FAM13A: variants seen among roughly 807,000 people sequenced by gnomAD.
The protein encoded by FAM13A is protein FAM13A.
FAM13A carries 76 observed loss-of-function variants against 129.6 expected under a neutral mutation model. The ratio of observed to expected loss-of-function variants is 0.59; its 90% CI spans 0.49 to 0.71. FAM13A has a LOEUF of 0.71. Ranked by LOEUF, FAM13A falls within the 30% of genes least tolerant of loss-of-function variation. The probability of loss-of-function intolerance (pLI) is 0.00; values close to 1 mark genes in which losing one functional copy is unlikely to be tolerated. For synonymous variants in FAM13A, 443 were observed against 449.9 expected, an observed-to-expected ratio of 0.98 and a Z score of 0.20; for missense variants, 1,108 against 1,249.3, an observed-to-expected ratio of 0.89 and a Z score of 1.70.
intron 7 of FAM13A, among the ~76,000 whole-genome samples, chr4:88,847,885 G>T (rs539011030): frequency 6.6e-6 from 1 of 151,866 alleles, no homozygotes; most frequent in Admixed American, 6.5e-5. Flanking sequence ...TGCAGTGAGC[G>T]GAGATTGCAG....
At chr4:88,823,727 A>T (rs906306707) in intron 7 of FAM13A, among the ~76,000 whole-genome samples, 1 of 152,086 alleles carries the variant, frequency 6.6e-6, no homozygotes, top group Admixed American at 6.6e-5. Flanking sequence ...ATGCCTCTAG[A>T]CCCTTGCCCT....
chr4:88,825,026 A>G (rs182348792), intron 7 of FAM13A, among the ~76,000 whole-genome samples: 2 of 152,232 alleles, frequency 1.3e-5, no homozygotes, highest in East Asian at 3.9e-4. Context: ...GAGGTAGAAA[A>G]TCACAATTAT....
In FAM13A at chr4:88,772,438, G is replaced by A. The variant is rs544820232; in HGVS notation, c.1459-4379C>T. Reference sequence around the variant, plus strand: ...TTCCACCGTAATAAAGTAGCTAGATGTCCAGCAACAATACATTTCCCAGCC... The same window carrying A: ...TTCCACCGTAATAAAGTAGCTAGATATCCAGCAACAATACATTTCCCAGCC... On this transcript the variant is annotated intron_variant, in intron 11 of 23. Transcript: ENST00000264344. 1.4e-4 allele frequency among the ~76,000 whole-genome samples: 21 copies of A among 152,258 alleles called. No homozygotes were observed. The South Asian group carries it at 3.3e-3, about 24-fold the overall frequency.
chr4:88,979,110 A>G (rs1761304742), intron 4 of FAM13A, among the ~76,000 whole-genome samples: 1 of 152,242 alleles, frequency 6.6e-6, no homozygotes, highest in Admixed American at 6.5e-5. Flanking sequence ...ATGCTTTTAA[A>G]CATGTTAACC....
At chr4:88,891,634 A>G (rs1024059211) in intron 6 of FAM13A, among the ~76,000 whole-genome samples, 1 of 152,226 alleles carries the variant, frequency 6.6e-6, no homozygotes, top group African/African-American at 2.4e-5. Context: ...TTCCAGTGAT[A>G]CAATCTTGGT....
chr4:88,747,592 C>T lies in FAM13A; in HGVS notation c.2382+39G>A, dbSNP rs200807392. ...CCCTGTGTCTCTACCACATTGACTGCAATGGCTTAGGGCTTAGCACTTCAC... is the reference window on the plus strand; with the variant it reads ...CCCTGTGTCTCTACCACATTGACTGTAATGGCTTAGGGCTTAGCACTTCAC... On this transcript the variant is annotated intron_variant, in intron 18 of 23. Coordinates refer to ENST00000264344, the MANE Select transcript of FAM13A (RefSeq NM_014883.4). 2,570 of 1,534,126 alleles carry T rather than the reference C, an allele frequency of 1.7e-3. 3 individuals carry two copies. Among genetic ancestry groups the T allele is most frequent in the Non-Finnish European group, 2.1e-3 (2,343 of 1,108,130 alleles).
At chr4:88,932,966 C>T (rs1275391261) in intron 5 of FAM13A, among the ~76,000 whole-genome samples, 2 of 152,158 alleles carry the variant, frequency 1.3e-5, no homozygotes, top group Non-Finnish European at 2.9e-5. Context: ...AATCAGCACT[C>T]CTCAACTTAG....
At chr4:88,732,508 AC>A (rs1738055056) in intron 21 of FAM13A, 1 of 208,384 alleles carries the variant, frequency 4.8e-6, no homozygotes, top group Non-Finnish European at 9.4e-6. Context: ...ATAATTTATA[AC>A]CTAAATCAGA....
intron 3 of FAM13A, among the ~76,000 whole-genome samples, chr4:89,012,205 C>T (rs893517573): frequency 6.6e-6 from 1 of 152,168 alleles, no homozygotes; most frequent in African/African-American, 2.4e-5. Context: ...CCAAAACACA[C>T]ATGAGATTAC....
intron 5 of FAM13A, among the ~76,000 whole-genome samples, chr4:88,935,244 C>G (rs1025746525): frequency 1.3e-5 from 2 of 152,190 alleles, no homozygotes; most frequent in African/African-American, 2.4e-5. Flanking sequence ...AGTTCTTTAT[C>G]TAGGTCCAAA....
intron 13 of FAM13A, among the ~76,000 whole-genome samples, chr4:88,761,298 C>T (rs1028842807): frequency 6.6e-6 from 1 of 152,096 alleles, no homozygotes. Context: ...CTATTTGACA[C>T]CGTATGAAGA....
intron 5 of FAM13A, among the ~76,000 whole-genome samples, chr4:88,927,173 C>T (rs555001571): frequency 1.8e-4 from 27 of 151,928 alleles, no homozygotes; most frequent in Non-Finnish European, 1.5e-4. Context: ...GATCTTTCAC[C>T]TTCTTGTTTA....
At chr4:88,737,370 C>T (rs769539447) in intron 21 of FAM13A, 102 bp downstream of exon 21, 9 of 985,080 alleles carry the variant, frequency 9.1e-6, no homozygotes, top group African/African-American at 1.6e-5. Flanking sequence ...GAAGCCACCA[C>T]CAAAAGGCCC....
In FAM13A at chr4:88,767,128, C is replaced by G. The variant is rs78501625; in HGVS notation, c.1578+425G>C. Reference sequence around the variant, plus strand: ...ATTTAAGATGAGAGACAAAACTCAGCAAACAAATTGGATTAAAGTAACTCA... The same window carrying G: ...ATTTAAGATGAGAGACAAAACTCAGGAAACAAATTGGATTAAAGTAACTCA... On this transcript the variant is annotated intron_variant, in intron 13 of 23. Coordinates refer to ENST00000264344, the MANE Select transcript of FAM13A (RefSeq NM_014883.4). 5.3e-5 allele frequency among the ~76,000 whole-genome samples: 8 copies of G among 152,232 alleles called. No homozygotes were observed. In the East Asian group the frequency reaches 1.5e-3, roughly 29 times the overall value.
intron 3 of FAM13A, among the ~76,000 whole-genome samples, chr4:89,004,143 C>G (rs2149063748): frequency 6.6e-6 from 1 of 152,114 alleles, no homozygotes; most frequent in East Asian, 1.9e-4. Flanking sequence ...CTGGTTTTTT[C>G]TTTTCTTTTT....
chr4:88,934,876 CA>C (rs1753603136), intron 5 of FAM13A, among the ~76,000 whole-genome samples: 1 of 152,158 alleles, frequency 6.6e-6, no homozygotes, highest in Non-Finnish European at 1.5e-5. Context: ...CATATTTCTC[CA>C]AATGTCACAG....
intron 4 of FAM13A, among the ~76,000 whole-genome samples, chr4:88,959,550 T>A (rs906221857): frequency 1.3e-5 from 2 of 152,232 alleles, no homozygotes; most frequent in Admixed American, 1.3e-4. Context: ...GCTATAATTA[T>A]AAGTTTCCTG....
rs373845549 is a variant in FAM13A, at chr4:88,750,527, C to T, written c.1837G>A (p.Asp613Asn). Residue 613 changes from aspartate (D) to asparagine (N), a missense_variant, in exon 15 of 24, where the codon GAC becomes AAC. Physicochemically the swap from Asp to Asn is conservative, Grantham distance 23. This residue lies in a region of FAM13A where 529 missense variants were observed against 621.2 expected (regional missense o/e 0.85). Transcript: ENST00000264344. ...LIRQLLDEDS[D>N]PMLSPRFYAY... is the part of the protein sequence containing the mutation. Reference sequence around the variant, plus strand: ...TAGAACCGAGGAGAGAGCATGGGGTCGCTGTCTTCGTCCAGCAGCTGACGG... The same window carrying T: ...TAGAACCGAGGAGAGAGCATGGGGTTGCTGTCTTCGTCCAGCAGCTGACGG... 3.6e-5 allele frequency: 58 copies of T among 1,613,990 alleles called. No individual in the cohort carries two copies. The highest frequency in any genetic ancestry group is 8.0e-5 in the African/African-American group (6 of 74,898).
chr4:88,917,709 A>G (rs141898962), intron 5 of FAM13A, among the ~76,000 whole-genome samples: 23 of 152,190 alleles, frequency 1.5e-4, no homozygotes, highest in African/African-American at 4.8e-4. Context: ...GGACTTTTCA[A>G]TCTTTTTTCT....
Sources: gnomAD v4.1 joint callset for allele counts (sites outside exome capture counted in the v4.1 genomes callset) on GRCh38, gnomAD v4.1.1 for gene constraint, gnomAD v4.1.1 regional missense constraint, MANE v1.5 for transcripts, NCBI Gene and HGNC (gene_info 2026-07-23, HGNC 2026-07-21) for gene names.